The following PRKCZ variants were observed in gnomAD, a reference collection of about 807,000 sequenced individuals.
PRKCZ encodes protein kinase C zeta.
PRKCZ carries 33 observed loss-of-function variants against 79.5 expected under a neutral mutation model. The observed-to-expected ratio is 0.41, with a 90% CI of 0.31 to 0.55. The LOEUF is 0.55. PRKCZ is among the 20% of genes least tolerant of loss of function. The pLI, the probability that PRKCZ is intolerant of heterozygous loss-of-function variation, is 0.19. For missense variants in PRKCZ, 578 were observed against 813.5 expected, an observed-to-expected ratio of 0.71 and a Z score of 3.52; for synonymous variants, 342 against 320.9, an observed-to-expected ratio of 1.07 and a Z score of -0.70.
At chr1:2,152,730 G>A (rs1171454602) in intron 9 of PRKCZ, among the ~76,000 whole-genome samples, 5 of 152,146 alleles carry the variant, frequency 3.3e-5, no homozygotes, top group East Asian at 3.9e-4. Flanking sequence ...GCGGACTTCC[G>A]TCTTCTGCAC....
At chr1:2,141,582 G>A (rs970566502) in intron 5 of PRKCZ, 3 of 152,946 alleles carry the variant, frequency 2.0e-5, no homozygotes, top group African/African-American at 7.2e-5. Context: ...CTGACCGCAA[G>A]TGATCCGCCC....
rs946688728 is a variant in PRKCZ at position 2,125,055 on chromosome 1, C to T, written c.335-10207C>T. 3.3e-5 allele frequency among the ~76,000 whole-genome samples: 5 copies of T among 152,198 alleles called. No individual in the cohort carries two copies. The highest frequency in any genetic ancestry group is 7.2e-5 in the African/African-American group (3 of 41,520). On this transcript the variant is annotated intron_variant, in intron 4 of 17. Transcript: ENST00000378567. This position sits in a 1 kb window ranked among gnomAD's most constrained non-coding sequence, Gnocchi z 4.2. ...CTTGCCAGCCTGGCTCTGTGCCGGG[C>T]GCTGGGCAATCTCTGCCTCCAGCCT...
At chr1:2,073,529 C>T (rs1158505171) in intron 4 of PRKCZ, 9 of 742,988 alleles carry the variant, frequency 1.2e-5, no homozygotes, top group African/African-American at 1.9e-5. Flanking sequence ...TTTCAAGGTC[C>T]GCTGAGTCCG....
At chr1:2,060,794 G>A (rs1660602658) in intron 4 of PRKCZ, among the ~76,000 whole-genome samples, 2 of 152,180 alleles carry the variant, frequency 1.3e-5, no homozygotes. Flanking sequence ...TTTTGGCAGC[G>A]CAGGGCGAGT....
chr1:2,145,560 G>T (rs1383022302), intron 6 of PRKCZ: 1 of 154,292 alleles, frequency 6.5e-6, no homozygotes. Context: ...ATAACAATTA[G>T]ATTTTTATAT....
intron 4 of PRKCZ, among the ~76,000 whole-genome samples, chr1:2,064,825 G>T (rs1168018975): frequency 6.6e-6 from 1 of 152,206 alleles, no homozygotes; most frequent in Non-Finnish European, 1.5e-5. Context: ...TTTCAAGATT[G>T]TTTTGGGGTC....
At chr1:2,077,099 C>T (rs1423606465) in intron 4 of PRKCZ, among the ~76,000 whole-genome samples, 1 of 152,198 alleles carries the variant, frequency 6.6e-6, no homozygotes, top group Non-Finnish European at 1.5e-5. Context: ...CGAACAGATC[C>T]CTGCTGCCGG....
At position 2,079,686 on chromosome 1, in the gene PRKCZ, T is replaced by C. The variant is rs369569223; in HGVS notation, c.334+20095T>C. On this transcript the variant is annotated intron_variant, in intron 4 of 17. Transcript: ENST00000378567. ...CGGCACATGGTGGGAGCATGTGTGC[T>C]GGCAGCGGTTGGTGATAACGTCTCC... Among the ~76,000 whole-genome samples the C allele has an allele frequency of 1.4e-4, 22 of 152,378 alleles. No homozygotes were observed. The South Asian group carries it at 4.4e-3, about 30-fold the overall frequency.
chr1:2,096,998 C>A (rs1001299733), intron 4 of PRKCZ, among the ~76,000 whole-genome samples: 1 of 152,234 alleles, frequency 6.6e-6, no homozygotes, highest in African/African-American at 2.4e-5. Flanking sequence ...GGGCACCAGT[C>A]CCTGTTGAGC....
At chr1:2,074,120 G>T (rs1661941724) in intron 4 of PRKCZ, 1 of 1,523,218 alleles carries the variant, frequency 6.6e-7, no homozygotes, top group Admixed American at 2.0e-5. Context: ...CCCGGGGAAG[G>T]CGTGCGGCTG....
At chr1:2,118,948 C>T (rs930990915) in intron 4 of PRKCZ, among the ~76,000 whole-genome samples, 1 of 152,108 alleles carries the variant, frequency 6.6e-6, no homozygotes, top group Non-Finnish European at 1.5e-5. Context: ...TGATGTGTTA[C>T]ATTGTAGCTT....
intron 17 of PRKCZ, 94 bp from the exon 18 acceptor site, chr1:2,184,828 G>T (rs532227319): frequency 8.0e-6 from 11 of 1,382,434 alleles, no homozygotes; most frequent in Non-Finnish European, 1.1e-5. Flanking sequence ...TCCAGTGGGC[G>T]TTGGGGGAGG....
At chr1:2,126,342 C>T (rs745973950) in intron 4 of PRKCZ, among the ~76,000 whole-genome samples, 3 of 152,298 alleles carry the variant, frequency 2.0e-5, no homozygotes, top group Non-Finnish European at 4.4e-5. Flanking sequence ...CGGCTGGGGT[C>T]GTGGTCGGGG....
At chr1:2,102,510 T>G (rs1667628606) in intron 4 of PRKCZ, among the ~76,000 whole-genome samples, 1 of 151,660 alleles carries the variant, frequency 6.6e-6, no homozygotes, top group Non-Finnish European at 1.5e-5. Context: ...TTTTTTGTAT[T>G]TTTAGTAGAG....
At chr1:2,169,661 G>T in intron 11 of PRKCZ, 57 bp downstream of exon 11, 1 of 1,360,418 alleles carries the variant, frequency 7.4e-7, no homozygotes, top group South Asian at 1.4e-5. Flanking sequence ...ATGGGTGGGT[G>T]CGTGCGGTGT....
At chr1:2,144,014 C>A in intron 5 of PRKCZ, 196 bp from the exon 6 acceptor site, 1 of 695,914 alleles carries the variant, frequency 1.4e-6, no homozygotes, top group Non-Finnish European at 2.3e-6. Context: ...ACTGGTTCCC[C>A]CAACCTTGGG....
At chr1:2,110,671 G>T (rs1458390104) in intron 4 of PRKCZ, among the ~76,000 whole-genome samples, 1 of 142,498 alleles carries the variant, frequency 7.0e-6, no homozygotes, top group East Asian at 2.4e-4. Flanking sequence ...GGGAATGGGG[G>T]TTTGGATCGG....
intron 2 of PRKCZ, 58 bp from the exon 3 acceptor site, chr1:2,056,426 A>C (rs1454704557): frequency 1.3e-6 from 2 of 1,507,234 alleles, no homozygotes; most frequent in East Asian, 2.3e-5. Flanking sequence ...CGGGCTCGTC[A>C]CAGCCCCCTT....
At chr1:2,106,487 C>G (rs148611022) in intron 4 of PRKCZ, among the ~76,000 whole-genome samples, 1 of 82,382 alleles carries the variant, frequency 1.2e-5, no homozygotes, top group East Asian at 4.1e-4. Context: ...AGGACCTCCA[C>G]ACGTGTCACC....
Sources: gnomAD v4.1 joint callset for allele counts (sites outside exome capture counted in the v4.1 genomes callset) on GRCh38, gnomAD v4.1.1 for gene constraint, Gnocchi (gnomAD v3.1) non-coding constraint, MANE v1.5 for transcripts, NCBI Gene and HGNC (gene_info 2026-07-23, HGNC 2026-07-21) for gene names.